The following QTMAN variants were observed in gnomAD, a reference collection of about 807,000 sequenced individuals.
QTMAN encodes the protein tRNA-queuosine alpha-mannosyltransferase.
chr2:144,197,259 G>A, the QTMAN span, among the ~76,000 whole-genome samples: 29 of 151,428 alleles, frequency 1.9e-4, no homozygotes, highest in African/African-American at 6.5e-4. Context: ...GCAATCTATC[G>A]TTGACCAAAA....
At chr2:144,208,626 G>A in the QTMAN span, 8 of 1,613,526 alleles carry the variant, frequency 5.0e-6, no homozygotes, top group African/African-American at 1.3e-5. Flanking sequence ...TGATGGGAAT[G>A]GTCTGAGAGA....
At chr2:144,090,569 G>A in the QTMAN span, among the ~76,000 whole-genome samples, 1 of 151,970 alleles carries the variant, frequency 6.6e-6, no homozygotes, top group African/African-American at 2.4e-5. Flanking sequence ...CCCTGTCCGG[G>A]CAAGGAACAG....
chr2:144,315,116 C>G, the QTMAN span, among the ~76,000 whole-genome samples: 1 of 152,098 alleles, frequency 6.6e-6, no homozygotes, highest in Non-Finnish European at 1.5e-5. Flanking sequence ...AAACTCCGAC[C>G]TCAGGTAATC....
the QTMAN span, among the ~76,000 whole-genome samples, chr2:144,269,981 T>C: frequency 6.6e-6 from 1 of 152,342 alleles, no homozygotes; most frequent in South Asian, 2.1e-4. Flanking sequence ...ATCATTATTT[T>C]ATAGTTTAGA....
chr2:144,184,787 A>C, the QTMAN span, among the ~76,000 whole-genome samples: 2 of 152,166 alleles, frequency 1.3e-5, no homozygotes, highest in Admixed American at 1.3e-4. Flanking sequence ...AATTCTATTA[A>C]AGCACTGGCT....
chr2:144,235,533 A>G, the QTMAN span: 4 of 152,612 alleles, frequency 2.6e-5, no homozygotes, highest in African/African-American at 7.2e-5. Context: ...GGTGAAACTT[A>G]AAAAAGGCTG....
the QTMAN span, among the ~76,000 whole-genome samples, chr2:144,035,118 G>C: frequency 6.6e-6 from 1 of 152,176 alleles, no homozygotes; most frequent in Non-Finnish European, 1.5e-5. Flanking sequence ...GCCTGGTGCT[G>C]TCTTTGTGAT....
the QTMAN span, among the ~76,000 whole-genome samples, chr2:144,082,707 C>G: frequency 6.6e-6 from 1 of 152,126 alleles, no homozygotes; most frequent in African/African-American, 2.4e-5. Flanking sequence ...AATTGACCTG[C>G]CAATGATGTC....
chr2:144,227,689 T>C, the QTMAN span, among the ~76,000 whole-genome samples: 3 of 152,160 alleles, frequency 2.0e-5, no homozygotes, highest in Admixed American at 6.5e-5. Context: ...AGACAACCAA[T>C]AGCAAGTTAC....
the QTMAN span, among the ~76,000 whole-genome samples, chr2:144,126,709 C>T: frequency 6.6e-6 from 1 of 151,988 alleles, no homozygotes; most frequent in Non-Finnish European, 1.5e-5. Context: ...GTCACAGTTT[C>T]CAAGAACCTA....
the QTMAN span, chr2:143,947,083 A>C: frequency 6.2e-7 from 1 of 1,613,982 alleles, no homozygotes; most frequent in Non-Finnish European, 8.5e-7. Flanking sequence ...TGTTGTAAGC[A>C]GAGACCTGAA....
chr2:144,295,283 A>G, the QTMAN span: 3 of 152,146 alleles, frequency 2.0e-5, no homozygotes, highest in East Asian at 3.9e-4. Context: ...ACCTGACCAG[A>G]GCAGGTTCTT....
At chr2:144,017,371 T>A in the QTMAN span, among the ~76,000 whole-genome samples, 1 of 152,072 alleles carries the variant, frequency 6.6e-6, no homozygotes, top group African/African-American at 2.4e-5. Flanking sequence ...GGAAAGGAGT[T>A]TTTCTTTAAA....
At chr2:144,232,863 C>T in the QTMAN span, among the ~76,000 whole-genome samples, 1 of 152,092 alleles carries the variant, frequency 6.6e-6, no homozygotes, top group Non-Finnish European at 1.5e-5. Flanking sequence ...ATTCATTATG[C>T]CACATTTTCA....
At chr2:144,074,711 T>C in the QTMAN span, among the ~76,000 whole-genome samples, 1 of 152,144 alleles carries the variant, frequency 6.6e-6, no homozygotes, top group East Asian at 1.9e-4. Context: ...ACGCAGACAG[T>C]TAGTAACACT....
the QTMAN span, among the ~76,000 whole-genome samples, chr2:144,285,244 C>T: frequency 6.6e-6 from 1 of 152,072 alleles, no homozygotes; most frequent in African/African-American, 2.4e-5. Context: ...GTCACATGCA[C>T]CTATATTTGG....
chr2:144,109,743 C>G, the QTMAN span, among the ~76,000 whole-genome samples: 1 of 151,718 alleles, frequency 6.6e-6, no homozygotes, highest in Non-Finnish European at 1.5e-5. Flanking sequence ...TATGAACAGA[C>G]ACTTCTCAAA....
At chr2:144,261,659 T>C in the QTMAN span, among the ~76,000 whole-genome samples, 2 of 152,232 alleles carry the variant, frequency 1.3e-5, no homozygotes, top group Non-Finnish European at 2.9e-5. Context: ...GTGTTGAAAG[T>C]TCTCAGGGAG....
At chr2:144,195,431 A>G in the QTMAN span, among the ~76,000 whole-genome samples, 3 of 152,162 alleles carry the variant, frequency 2.0e-5, no homozygotes, top group African/African-American at 7.2e-5. Context: ...ATTAAAGAAC[A>G]AAAGTTTCTG....
Sources: gnomAD v4.1 joint callset for allele counts (sites outside exome capture counted in the v4.1 genomes callset) on GRCh38, gnomAD v4.1.1 for gene constraint, MANE v1.5 for transcripts, NCBI Gene and HGNC (gene_info 2026-07-23, HGNC 2026-07-21) for gene names.